The following HELLS variants were observed in gnomAD, a reference collection of about 807,000 sequenced individuals.
HELLS encodes the protein helicase, lymphoid specific, also known as lymphoid-specific helicase.
In HELLS, 32 loss-of-function variants were observed where a neutral mutation model predicts 120.0. The observed-to-expected ratio is 0.27, with a 90% CI of 0.20 to 0.36. HELLS has a LOEUF of 0.36. HELLS is among the 10% of genes least tolerant of loss of function. The probability of loss-of-function intolerance (pLI) is 1.00; values close to 1 mark genes in which losing one functional copy is unlikely to be tolerated. For missense variants in HELLS, 650 were observed against 993.4 expected (o/e 0.65, Z 4.65); for synonymous variants, 341 against 323.4 (o/e 1.05, Z -0.58).
At chr10:94,608,517 A>G (rs1259432839) in intron 9 of HELLS, among the ~76,000 whole-genome samples, 5 of 152,226 alleles carry the variant, frequency 3.3e-5, no homozygotes, top group Admixed American at 6.5e-5. Flanking sequence ...AATACTGTCT[A>G]CCACAACTCA....
chr10:94,561,889 C>A (rs1033863827), intron 4 of HELLS, among the ~76,000 whole-genome samples: 1 of 151,836 alleles, frequency 6.6e-6, no homozygotes, highest in Non-Finnish European at 1.5e-5. Context: ...AATGAATATT[C>A]CTTCAATACC....
At chr10:94,580,149 ATATATATATATAT>A in intron 10 of HELLS, among the ~76,000 whole-genome samples, 1 of 81,584 alleles carries the variant, frequency 1.2e-5, no homozygotes, top group African/African-American at 6.3e-5. Flanking sequence ...ATATATATAT[ATATATATATATAT>A]ACACACACAC....
chr10:94,554,022 G>C, intron 2 of HELLS, 104 bp from the exon 3 acceptor site: 11 of 998,790 alleles, frequency 1.1e-5, no homozygotes, highest in East Asian at 3.2e-5. Flanking sequence ...GAAAGTGTTT[G>C]GTTTAAAAAA....
At chr10:94,564,364 T>G (rs1182194517) in intron 6 of HELLS, among the ~76,000 whole-genome samples, 1 of 152,184 alleles carries the variant, frequency 6.6e-6, no homozygotes, top group African/African-American at 2.4e-5. Flanking sequence ...CAGCTCTTTG[T>G]TAAACGAGTC....
At chr10:94,604,432 A>G (rs1454021930), downstream of HELLS, among the ~76,000 whole-genome samples, 1 of 151,756 alleles carries the variant, frequency 6.6e-6, no homozygotes, top group East Asian at 1.9e-4. Context: ...CTTTCTATAA[A>G]AGTCGTCATG....
chr10:94,601,691 A>ATG lies in HELLS; in HGVS notation c.*69_*70insTG. ...AGTGATTTCCCTGTATTGGGTTTGA[A>ATG]ATACTGATTGTCCACTTCACCTTTT... On this transcript the variant is annotated 3_prime_UTR_variant, in exon 22 of 22. Coordinates refer to ENST00000348459, the MANE Select transcript of HELLS (RefSeq NM_018063.5). 2 of 778,108 alleles carry ATG rather than the reference A, an allele frequency of 2.6e-6. No homozygotes were observed. Among genetic ancestry groups the ATG allele is most frequent in the Non-Finnish European group, 2.1e-6 (1 of 468,308 alleles). The allele number at this position is 778,108 out of a possible 1,614,324, so 48.2% of individuals were successfully genotyped here.
chr10:94,587,126 A>G (rs1180919946), intron 12 of HELLS, among the ~76,000 whole-genome samples: 1 of 152,172 alleles, frequency 6.6e-6, no homozygotes, highest in Admixed American at 6.5e-5. Flanking sequence ...ACCCCAGCTA[A>G]TGAAAGAGAA....
At chr10:94,607,736 T>C (rs1017051654) in intron 8 of HELLS, among the ~76,000 whole-genome samples, 1 of 152,070 alleles carries the variant, frequency 6.6e-6, no homozygotes, top group African/African-American at 2.4e-5. Context: ...TTTTGTCTTG[T>C]TTTTTTGAGA....
intron 12 of HELLS, chr10:94,584,190 A>G: frequency 1.7e-6 from 1 of 579,490 alleles, no homozygotes; most frequent in Non-Finnish European, 2.6e-6. Flanking sequence ...TGAGATGTTT[A>G]TTGACTATTG....
intron 4 of HELLS, among the ~76,000 whole-genome samples, chr10:94,562,411 C>G (rs1334687141): frequency 1.3e-5 from 2 of 151,980 alleles, no homozygotes; most frequent in East Asian, 3.9e-4. Context: ...CTCCAAAAAA[C>G]AAACAAACGA....
intron 4 of HELLS, among the ~76,000 whole-genome samples, chr10:94,559,194 A>T (rs1447399869): frequency 6.6e-6 from 1 of 152,138 alleles, no homozygotes; most frequent in East Asian, 1.9e-4. Context: ...TTCTGCTACC[A>T]TATGTATGTC....
intron 9 of HELLS, among the ~76,000 whole-genome samples, chr10:94,576,354 G>C: frequency 6.6e-6 from 1 of 152,252 alleles, no homozygotes; most frequent in South Asian, 2.1e-4. Flanking sequence ...ATTTCTCCAT[G>C]TTGCTCAGGT....
chr10:94,598,225 A>G (rs1425937704), intron 21 of HELLS, among the ~76,000 whole-genome samples: 2 of 152,074 alleles, frequency 1.3e-5, no homozygotes, highest in Non-Finnish European at 2.9e-5. Flanking sequence ...ATTCCGTGAC[A>G]TTTTGGTCTT....
In HELLS at chr10:94,546,508, G is replaced by T. The variant is rs187469615; in HGVS notation, c.153+10G>T. ...GAAGATGCTGGAAAAGGTAATTTAG[G>T]CATCAGGTTCGTCGTCGTGAAAGCC... On this transcript the variant is annotated intron_variant, in intron 2 of 21. Transcript: ENST00000348459. 3.0e-4 allele frequency: 483 copies of T among 1,613,880 alleles called. 2 individuals are homozygous for T. The East Asian group carries it at 9.3e-3, about 31-fold the overall frequency.
At chr10:94,605,078 C>CA (rs373601713), downstream of HELLS, among the ~76,000 whole-genome samples, 5 of 127,584 alleles carry the variant, frequency 3.9e-5, no homozygotes, top group African/African-American at 1.5e-4. Context: ...TGTCTCCCCC[C>CA]CCCCCCCTTT....
intron 17 of HELLS, among the ~76,000 whole-genome samples, chr10:94,593,101 G>A (rs1845571494): frequency 6.6e-6 from 1 of 152,070 alleles, no homozygotes; most frequent in African/African-American, 2.4e-5. Flanking sequence ...TCTGACAAAT[G>A]CATATGTAAA....
rs750972497 is a variant in HELLS, at chr10:94,554,258, T to C, written c.276+10T>C. On this transcript the variant is annotated intron_variant, in intron 3 of 21. Transcript: ENST00000348459. ...ACAGCAACAATTAGAGGTATGTATA[T>C]GTAACTGACTACAAGTGAAAGCTTA... is the stretch of plus-strand genomic sequence containing the variant. 7.2e-6 allele frequency: 11 copies of C among 1,533,946 alleles called. No homozygotes were observed. The East Asian group carries it at 7.2e-5, about 10-fold the overall frequency.
chr10:94,565,113 G>T (rs1369165449), intron 6 of HELLS, among the ~76,000 whole-genome samples: 1 of 152,168 alleles, frequency 6.6e-6, no homozygotes, highest in Non-Finnish European at 1.5e-5. Flanking sequence ...GAGGCGGGTG[G>T]ATCCCGTGAG....
intron 12 of HELLS, chr10:94,584,092 T>C (rs1241703484): frequency 7.2e-7 from 1 of 1,394,132 alleles, no homozygotes; most frequent in South Asian, 1.5e-5. Context: ...CATATGAAAA[T>C]ACTTATTTAC....
Sources: allele counts gnomAD v4.1 joint callset (sites outside exome capture counted in the v4.1 genomes callset), GRCh38; gene constraint gnomAD v4.1.1; transcripts MANE v1.5; gene names NCBI Gene and HGNC (gene_info 2026-07-23, HGNC 2026-07-21).